Variants in LHX8 observed in about 807,000 individuals in gnomAD.
The protein encoded by LHX8 is LIM homeobox 8, also known as LIM/homeobox protein Lhx8.
LHX8 carries 12 observed loss-of-function variants against 40.3 expected under a neutral mutation model. That is an observed-to-expected ratio of 0.30 (90% CI 0.19 to 0.48). The LOEUF is 0.48. Ranked by LOEUF, LHX8 falls within the 20% of genes least tolerant of loss-of-function variation. The pLI, the probability that LHX8 is intolerant of heterozygous loss-of-function variation, is 0.99. For synonymous variants in LHX8, 179 were observed against 162.0 expected (o/e 1.10, Z -0.80); for missense variants, 344 against 433.7 (o/e 0.79, Z 1.84).
At position 75,148,649 on chromosome 1, in the gene LHX8, A is replaced by G. The variant is rs2100348401; in HGVS notation, c.747A>G (p.Ala249=). The G allele has an allele frequency of 6.2e-7, 1 of 1,613,868 alleles. No homozygotes were observed. Among genetic ancestry groups the G allele is most frequent in the Non-Finnish European group, 8.5e-7 (1 of 1,179,872 alleles). ...ATGCACAGACACTCCAGAAATTGGC[A>G]GAAAGGACAGGCTTGAGCAGACGTG... ...NPDAQTLQKL[A]ERTGLSRRVI... The change falls in exon 7 of 9, where the codon GCA becomes GCG. Residue 249 remains alanine, a synonymous_variant. Transcript: ENST00000356261.
intron 4 of LHX8, 146 bp downstream of exon 4, chr1:75,141,252 G>C: frequency 1.2e-6 from 1 of 811,536 alleles, no homozygotes; most frequent in Non-Finnish European, 1.9e-6. Context: ...GTGCTTTCCT[G>C]TTTGAGATAT....
At chr1:75,177,848 C>T in the LHX8 span, among the ~76,000 whole-genome samples, 1 of 152,122 alleles carries the variant, frequency 6.6e-6, no homozygotes, top group Non-Finnish European at 1.5e-5. Flanking sequence ...AGATATGTTC[C>T]ATCAATACCT....
At chr1:75,181,729 G>A in the LHX8 span, among the ~76,000 whole-genome samples, 2 of 152,190 alleles carry the variant, frequency 1.3e-5, no homozygotes, top group African/African-American at 4.8e-5. Context: ...GTCCCAATGA[G>A]ATGAACCAAA....
chr1:75,179,264 C>T, the LHX8 span, among the ~76,000 whole-genome samples: 1 of 152,118 alleles, frequency 6.6e-6, no homozygotes, highest in African/African-American at 2.4e-5. Flanking sequence ...CTACTATTGA[C>T]AGTGGTGTGT....
At chr1:75,180,220 A>T in the LHX8 span, among the ~76,000 whole-genome samples, 1 of 152,036 alleles carries the variant, frequency 6.6e-6, no homozygotes, top group Non-Finnish European at 1.5e-5. Context: ...GTATTTCCTG[A>T]ATTTGAATAT....
At chr1:75,153,369 G>C (rs1317470360) in intron 7 of LHX8, among the ~76,000 whole-genome samples, 2 of 151,952 alleles carry the variant, frequency 1.3e-5, no homozygotes, top group African/African-American at 4.8e-5. Context: ...CTCCCAAAGT[G>C]CTGGGATTAC....
chr1:75,187,401 C>A, the LHX8 span, among the ~76,000 whole-genome samples: 1 of 152,178 alleles, frequency 6.6e-6, no homozygotes, highest in Non-Finnish European at 1.5e-5. Flanking sequence ...ATGCCACATT[C>A]CAAAATGACA....
the LHX8 span, among the ~76,000 whole-genome samples, chr1:75,177,249 G>A: frequency 0.11 from 17,370 of 151,930 alleles, 1,615 homozygotes; most frequent in African/African-American, 0.25. Flanking sequence ...CATTGAATCT[G>A]TAAATTACCT....
At chr1:75,185,151 A>T in the LHX8 span, among the ~76,000 whole-genome samples, 3 of 152,016 alleles carry the variant, frequency 2.0e-5, no homozygotes, top group African/African-American at 7.2e-5. Context: ...GACCAGACAG[A>T]TTCAAAGCCA....
chr1:75,171,973 C>T, the LHX8 span, among the ~76,000 whole-genome samples: 1 of 152,158 alleles, frequency 6.6e-6, no homozygotes, highest in Non-Finnish European at 1.5e-5. Context: ...GCGAGAAATA[C>T]TGGCCTGGAA....
At chr1:75,136,782 C>T (rs2100331036) in intron 2 of LHX8, 93 bp downstream of exon 2, 1 of 995,658 alleles carries the variant, frequency 1.0e-6, no homozygotes, top group Non-Finnish European at 1.5e-6. Context: ...TTCCAGGGCC[C>T]AGCTGGCCCC....
the LHX8 span, among the ~76,000 whole-genome samples, chr1:75,166,572 A>G: frequency 6.6e-6 from 1 of 152,216 alleles, no homozygotes; most frequent in African/African-American, 2.4e-5. Flanking sequence ...TATTGGAATA[A>G]GTCTGTTATT....
At chr1:75,139,598 G>A (rs1019356128) in intron 3 of LHX8, among the ~76,000 whole-genome samples, 6 of 152,012 alleles carry the variant, frequency 3.9e-5, no homozygotes, top group Non-Finnish European at 7.4e-5. Flanking sequence ...TATTTCCAAG[G>A]CAGTATTTAA....
the LHX8 span, among the ~76,000 whole-genome samples, chr1:75,176,201 TG>T: frequency 3.3e-5 from 5 of 152,236 alleles, no homozygotes; most frequent in Non-Finnish European, 7.3e-5. Flanking sequence ...ATGGGATGGC[TG>T]GGTCAAATGT....
the LHX8 span, among the ~76,000 whole-genome samples, chr1:75,190,338 A>C: frequency 6.6e-6 from 1 of 152,168 alleles, no homozygotes; most frequent in East Asian, 1.9e-4. Flanking sequence ...GTATTCTTTA[A>C]TAATCAAAAT....
chr1:75,186,334 C>T, the LHX8 span, among the ~76,000 whole-genome samples: 38 of 152,074 alleles, frequency 2.5e-4, no homozygotes, highest in Non-Finnish European at 1.9e-4. Flanking sequence ...AGTACTGGTA[C>T]AACAACAGAC....
the LHX8 span, among the ~76,000 whole-genome samples, chr1:75,195,064 G>A: frequency 1.4e-4 from 22 of 152,094 alleles, no homozygotes; most frequent in Admixed American, 3.9e-4. Context: ...AGGCTAAGTG[G>A]GAGAAAGAAA....
At chr1:75,162,166 C>T (rs1648934725), downstream of LHX8, among the ~76,000 whole-genome samples, 1 of 151,912 alleles carries the variant, frequency 6.6e-6, no homozygotes, top group African/African-American at 2.4e-5. Flanking sequence ...TAAATACAAC[C>T]AGAAAGTAAT....
intron 4 of LHX8, among the ~76,000 whole-genome samples, chr1:75,142,435 T>C (rs1322286410): frequency 1.2e-4 from 18 of 152,146 alleles, no homozygotes; most frequent in Admixed American, 1.2e-3. Flanking sequence ...ATAGCTTTGG[T>C]ATTTTAAGAT....
Sources: gnomAD v4.1 joint callset for allele counts (sites outside exome capture counted in the v4.1 genomes callset) on GRCh38, gnomAD v4.1.1 for gene constraint, MANE v1.5 for transcripts, NCBI Gene and HGNC (gene_info 2026-07-23, HGNC 2026-07-21) for gene names.